The following C14orf93 variants were observed in gnomAD, a reference collection of about 807,000 sequenced individuals.
C14orf93 encodes the protein uncharacterized protein C14orf93.
A neutral mutation model predicts 44.0 loss-of-function variants in C14orf93; 23 were observed. The observed-to-expected ratio is 0.52, with a 90% CI of 0.38 to 0.74. The LOEUF (loss-of-function observed/expected upper bound fraction) is 0.74, where lower values mean the gene tolerates loss of function less well. C14orf93 is among the 30% of genes least tolerant of loss of function. The pLI is 0.00. For synonymous variants in C14orf93, 253 were observed against 265.7 expected, an observed-to-expected ratio of 0.95 and a Z score of 0.46; for missense variants, 579 against 678.9, an observed-to-expected ratio of 0.85 and a Z score of 1.64.
At chr14:22,990,220 G>A (rs1374693996) in intron 3 of C14orf93, 93 bp from the exon 4 acceptor site, 2 of 1,071,986 alleles carry the variant, frequency 1.9e-6, no homozygotes, top group African/African-American at 3.2e-5. Flanking sequence ...TTGTCCCTAA[G>A]GGGCTCTCTG....
intron 1 of C14orf93, among the ~76,000 whole-genome samples, chr14:23,008,382 T>G (rs1469897889): frequency 1.3e-5 from 2 of 152,212 alleles, no homozygotes; most frequent in African/African-American, 2.4e-5. Context: ...TGTTATAAAT[T>G]TGTACAAGTA....
intron 1 of C14orf93, chr14:23,007,111 G>A (rs1343006018): frequency 3.3e-5 from 5 of 152,214 alleles, no homozygotes; most frequent in Non-Finnish European, 5.9e-5. Flanking sequence ...GCGGGCGCGC[G>A]GGAGACAGAA....
At chr14:23,001,282 G>A (rs2046279212) in intron 1 of C14orf93, among the ~76,000 whole-genome samples, 1 of 152,178 alleles carries the variant, frequency 6.6e-6, no homozygotes, top group African/African-American at 2.4e-5. Flanking sequence ...TCAAATGCTT[G>A]CCAGCTGGGT....
rs2046181775 is a variant in C14orf93 at position 22,999,366 on chromosome 14, A to C, written c.-343T>G. The stretch of plus-strand genomic sequence containing the variant: ...TGGAACCCCCGACTAGTGCAACCTA[A>C]GGAACAGGGAAGGGATTCAGAAGGA... On this transcript the variant is annotated 5_prime_UTR_variant, in exon 2 of 7. Transcript: ENST00000299088. The C allele has an allele frequency of 5.0e-6, 1 of 198,938 alleles. No individual in the cohort carries two copies. The highest frequency in any genetic ancestry group is 5.4e-5 in the Admixed American group (1 of 18,496). 12.3% of individuals were successfully genotyped at this position (198,938 alleles called of 1,614,324 possible).
chr14:22,995,196 C>A (rs988712851), intron 3 of C14orf93, among the ~76,000 whole-genome samples: 2 of 152,236 alleles, frequency 1.3e-5, no homozygotes, highest in Non-Finnish European at 2.9e-5. Context: ...TATAACTGAG[C>A]TGAAGGTCTA....
At chr14:23,003,877 TATATATATATATATATA>T (rs2046447460) in intron 1 of C14orf93, among the ~76,000 whole-genome samples, 4 of 14,940 alleles carry the variant, frequency 2.7e-4, no homozygotes, top group Non-Finnish European at 5.2e-4. Flanking sequence ...TATATATATA[TATATATATATATATATA>T]TATATTTTTT....
rs766879288 is a variant in C14orf93 at position 22,996,229 on chromosome 14, G to A, written c.637C>T (p.Arg213Ter). 21 of 1,597,370 alleles carry A rather than the reference G, an allele frequency of 1.3e-5. No homozygotes were observed. The highest frequency in any genetic ancestry group is 2.2e-5 in the South Asian group (2 of 89,180). ...TTGGCATAAGCAGGGACCAGAACTC[G>A]CTGTACTGCACCCTCAGAGGCCACG... ...DYVASEGAVQRVLVPAYAKQL... is the reference protein window; with the variant it reads ...DYVASEGAVQ Residue 213 changes from arginine to a stop codon, truncating the protein, a stop_gained, in exon 3 of 7, where the codon CGA becomes TGA. Coordinates refer to ENST00000299088, the MANE Select transcript of C14orf93 (RefSeq NM_021944.4). LOFTEE classifies it high-confidence loss of function. This position sits in a 1 kb window ranked among gnomAD's most constrained non-coding sequence, Gnocchi z 4.1.
Position 22,998,440 on chromosome 14 carries a change from G to C in C14orf93, c.584C>G (p.Pro195Arg), listed in dbSNP as rs753957455. 1 of 1,575,884 alleles carries C rather than the reference G, an allele frequency of 6.3e-7. No homozygotes were observed. Residue 195 changes from proline to arginine, a missense_variant, in exon 2 of 7, where the codon CCC (proline) becomes CGC (arginine). Coordinates refer to ENST00000299088, the MANE Select transcript of C14orf93 (RefSeq NM_021944.4). ...GCTLAASEAAPLLNPLVDDYV... is the reference protein window; with the variant it reads ...GCTLAASEAARLLNPLVDDYV... ...TGCCATACTCACAGGATTGAGCAGG[G>C]GGGCCGCCTCGCTGGCAGCCAGCGT... is the stretch of plus-strand genomic sequence containing the variant.
At chr14:22,991,487 C>T (rs2045625988) in intron 3 of C14orf93, among the ~76,000 whole-genome samples, 1 of 151,032 alleles carries the variant, frequency 6.6e-6, no homozygotes. Flanking sequence ...TTGTGATCTA[C>T]CCACCTCAGC....
chr14:22,989,625 A>G (rs2045467542), intron 5 of C14orf93, 117 bp downstream of exon 5: 3 of 728,980 alleles, frequency 4.1e-6, no homozygotes, highest in Middle Eastern at 2.6e-4. Context: ...TTTCAAATCC[A>G]CTATTTTCAA....
At chr14:22,994,469 G>A (rs996345853) in intron 3 of C14orf93, among the ~76,000 whole-genome samples, 1 of 152,050 alleles carries the variant, frequency 6.6e-6, no homozygotes, top group Non-Finnish European at 1.5e-5. Flanking sequence ...TCACGCCACT[G>A]CACTCCAGCC....
At chr14:22,988,258 C>G (rs1053446025) in intron 5 of C14orf93, among the ~76,000 whole-genome samples, 1 of 151,920 alleles carries the variant, frequency 6.6e-6, no homozygotes, top group Admixed American at 6.6e-5. Context: ...CTCAGCCTCC[C>G]GAGTAGCTGG....
chr14:23,008,011 G>A (rs143404062), intron 1 of C14orf93, among the ~76,000 whole-genome samples: 1,820 of 152,006 alleles, frequency 0.012, 166 homozygotes, highest in Admixed American at 0.11. Context: ...AAATCAGCCC[G>A]GCATGGTGGC....
In C14orf93 at chr14:22,995,951, G is replaced by GAGTA. The variant is rs1566679813; in HGVS notation, c.911_914dup (p.Ser306ThrfsTer3). On this transcript the variant is annotated frameshift_variant, in exon 3 of 7. Transcript: ENST00000299088. LOFTEE classifies it high-confidence loss of function. ...TATAGAAACTGAGCTCACTCACAGA[G>GAGTA]AGTACAAGATCCCGCTTGCGCCTGG... The GAGTA allele has an allele frequency of 1.3e-6, 2 of 1,580,590 alleles. No individual in the cohort carries two copies. Among genetic ancestry groups the GAGTA allele is most frequent in the South Asian group, 2.3e-5 (2 of 87,900 alleles).
At chr14:23,006,828 G>A (rs2046639115) in intron 1 of C14orf93, 2 of 152,408 alleles carry the variant, frequency 1.3e-5, no homozygotes, top group South Asian at 4.1e-4. Context: ...TCGCCACTGT[G>A]CCCTACCATA....
chr14:22,988,511 T>TTTGTTATATATA (rs2045381347), intron 5 of C14orf93, among the ~76,000 whole-genome samples: 1 of 152,112 alleles, frequency 6.6e-6, no homozygotes, highest in African/African-American at 2.4e-5. Context: ...TTATTATGAT[T>TTTGTTATATATA]TTGTTATGAG....
Position 22,986,132 on chromosome 14 carries a change from ACT to A in C14orf93, c.*1081_*1082del, listed in dbSNP as rs1007671626. 6 of 151,936 alleles carry A rather than the reference ACT, an allele frequency of 3.9e-5. No individual in the cohort carries two copies. The highest frequency in any genetic ancestry group is 1.5e-4 in the African/African-American group (6 of 41,308). The allele number at this position is 151,936 out of a possible 1,614,324, so 9.4% of individuals were successfully genotyped here. A position where few individuals can be genotyped will look rare whatever the true frequency, so the allele number is the denominator to read the frequency against. On this transcript the variant is annotated 3_prime_UTR_variant, in exon 7 of 7. Coordinates refer to ENST00000299088, the MANE Select transcript of C14orf93 (RefSeq NM_021944.4). ...GTACCTGCAGTTCCCTGTTTGGAAC[ACT>A]CTCTTAGCCTCCCCTTTCCTTCTGG...
intron 1 of C14orf93, among the ~76,000 whole-genome samples, chr14:23,004,844 G>A (rs1307642706): frequency 2.6e-5 from 4 of 152,136 alleles, no homozygotes; most frequent in East Asian, 1.9e-4. Context: ...CTTGAACCCG[G>A]GAGGTGGAGG....
At chr14:23,009,482 A>AAC (rs71425061) in intron 1 of C14orf93, among the ~76,000 whole-genome samples, 4,717 of 151,330 alleles carry the variant, frequency 0.031, 105 homozygotes, top group Non-Finnish European at 0.049. Flanking sequence ...TGTTTCAAGA[A>AAC]ACACACACAC....
Sources: allele counts gnomAD v4.1 joint callset (sites outside exome capture counted in the v4.1 genomes callset), GRCh38; gene constraint gnomAD v4.1.1; non-coding constraint Gnocchi (gnomAD v3.1); transcripts MANE v1.5; gene names NCBI Gene and HGNC (gene_info 2026-07-23, HGNC 2026-07-21).